Variants in ST6GALNAC3 observed in about 807,000 individuals in gnomAD.
ST6GALNAC3 encodes the protein ST6 N-acetylgalactosaminide alpha-2,6-sialyltransferase 3.
Under a neutral mutation model 32.7 loss-of-function variants are expected in ST6GALNAC3, and 25 were observed. That is an observed-to-expected ratio of 0.76 (90% confidence interval 0.56 to 1.07). The LOEUF is 1.07. ST6GALNAC3 is among the 50% of genes least tolerant of loss of function. The probability of loss-of-function intolerance (pLI) is 0.00; values close to 1 mark genes in which losing one functional copy is unlikely to be tolerated. For missense variants in ST6GALNAC3, 355 were observed against 382.4 expected, an observed-to-expected ratio of 0.93 and a Z score of 0.60; for synonymous variants, 129 against 133.1, an observed-to-expected ratio of 0.97 and a Z score of 0.21.
rs1445753638 is a variant in ST6GALNAC3, at chr1:76,631,557, G to A, written c.*2751G>A. The A allele has an allele frequency of 2.6e-5, 4 of 152,042 alleles. No individual in the cohort carries two copies. The highest frequency in any genetic ancestry group is 5.9e-5 in the Non-Finnish European group (4 of 67,982). 9.4% of individuals were successfully genotyped at this position (152,042 alleles called of 1,614,324 possible). ...CAATTCAAGGAAACTATTTTGCCATGCACATTTCTGATCAATTCCCACAGA... is the reference window on the plus strand; with the variant it reads ...CAATTCAAGGAAACTATTTTGCCATACACATTTCTGATCAATTCCCACAGA... On this transcript the variant is annotated 3_prime_UTR_variant, in exon 5 of 5. Transcript: ENST00000328299.
chr1:76,405,944 A>T (rs970364825), intron 2 of ST6GALNAC3, among the ~76,000 whole-genome samples: 4 of 152,020 alleles, frequency 2.6e-5, no homozygotes, highest in African/African-American at 9.7e-5. Context: ...GAATATCTAC[A>T]CTTTCCCCCC....
chr1:76,597,726 G>A (rs531642276), intron 3 of ST6GALNAC3, among the ~76,000 whole-genome samples: 8 of 152,270 alleles, frequency 5.3e-5, no homozygotes, highest in African/African-American at 1.9e-4. Flanking sequence ...CACCTAAGTA[G>A]AGAGCTTCTG....
chr1:76,135,816 C>T (rs780125383), intron 1 of ST6GALNAC3, among the ~76,000 whole-genome samples: 24 of 152,190 alleles, frequency 1.6e-4, no homozygotes, highest in Admixed American at 2.6e-4. Context: ...TCCACCCATG[C>T]GGCTCTCCTA....
intron 2 of ST6GALNAC3, among the ~76,000 whole-genome samples, chr1:76,352,224 C>T (rs1649037905): frequency 1.3e-5 from 2 of 152,154 alleles, no homozygotes; most frequent in Admixed American, 1.3e-4. Context: ...AATATAGTTT[C>T]TGTTTAAACA....
chr1:76,560,609 AG>A (rs1665192224), intron 3 of ST6GALNAC3, among the ~76,000 whole-genome samples: 1 of 152,244 alleles, frequency 6.6e-6, no homozygotes, highest in Non-Finnish European at 1.5e-5. Flanking sequence ...TCATCAGAAA[AG>A]TGAAAATCAA....
chr1:76,343,873 A>G (rs1648272744), intron 2 of ST6GALNAC3, among the ~76,000 whole-genome samples: 1 of 152,210 alleles, frequency 6.6e-6, no homozygotes, highest in African/African-American at 2.4e-5. Flanking sequence ...AAAAGTTTTA[A>G]CAGAGGAATT....
At chr1:76,378,383 T>G (rs1271148327) in intron 2 of ST6GALNAC3, among the ~76,000 whole-genome samples, 1 of 152,178 alleles carries the variant, frequency 6.6e-6, no homozygotes, top group Non-Finnish European at 1.5e-5. Context: ...TTTTTAAGGC[T>G]GAGCACGGTA....
chr1:76,125,925 A>G (rs1388739266), intron 1 of ST6GALNAC3, among the ~76,000 whole-genome samples: 3 of 152,174 alleles, frequency 2.0e-5, no homozygotes, highest in Non-Finnish European at 4.4e-5. Context: ...TCCTATTTAG[A>G]TAGATGGAGC....
chr1:76,522,571 T>A (rs909340813), intron 3 of ST6GALNAC3, among the ~76,000 whole-genome samples: 1 of 152,214 alleles, frequency 6.6e-6, no homozygotes, highest in African/African-American at 2.4e-5. Context: ...TATGTATCCA[T>A]TTAGTTCTTA....
chr1:76,437,734 C>T (rs1217469980), intron 3 of ST6GALNAC3, among the ~76,000 whole-genome samples: 3 of 151,438 alleles, frequency 2.0e-5, no homozygotes, highest in Non-Finnish European at 4.4e-5. Context: ...CGCACCACTA[C>T]GCCCAGCTAA....
chr1:76,263,844 C>G (rs1017688284), intron 1 of ST6GALNAC3, among the ~76,000 whole-genome samples: 1 of 151,986 alleles, frequency 6.6e-6, no homozygotes, highest in Non-Finnish European at 1.5e-5. Flanking sequence ...TTTTTTTAAG[C>G]CTTTTATCTG....
intron 1 of ST6GALNAC3, among the ~76,000 whole-genome samples, chr1:76,137,447 G>A (rs1230524619): frequency 6.6e-6 from 1 of 152,194 alleles, no homozygotes; most frequent in Non-Finnish European, 1.5e-5. Flanking sequence ...GGAGGCAGGT[G>A]ATCCAAGGGA....
intron 3 of ST6GALNAC3, among the ~76,000 whole-genome samples, chr1:76,567,981 T>A (rs1665647759): frequency 6.6e-6 from 1 of 152,186 alleles, no homozygotes; most frequent in Non-Finnish European, 1.5e-5. Flanking sequence ...ATTATTGCTA[T>A]GTTGATTTCT....
chr1:76,282,563 C>A (rs1328955921), intron 1 of ST6GALNAC3, among the ~76,000 whole-genome samples: 1 of 152,114 alleles, frequency 6.6e-6, no homozygotes, highest in Non-Finnish European at 1.5e-5. Context: ...GCAGTGACAT[C>A]TGAACAAAGT....
At chr1:76,092,058 C>T (rs1647054173) in intron 1 of ST6GALNAC3, among the ~76,000 whole-genome samples, 1 of 152,194 alleles carries the variant, frequency 6.6e-6, no homozygotes, top group South Asian at 2.1e-4. Flanking sequence ...TGATGTCAAC[C>T]TCCGTGCTCT....
At chr1:76,389,557 ATGAGATGTGGAT>A (rs1652376676) in intron 2 of ST6GALNAC3, among the ~76,000 whole-genome samples, 2 of 152,238 alleles carry the variant, frequency 1.3e-5, no homozygotes, top group African/African-American at 4.8e-5. Flanking sequence ...TTGTGAGAAT[ATGAGATGTGGAT>A]TCCAGAGCTT....
chr1:76,319,084 T>C (rs2100914968), intron 2 of ST6GALNAC3, among the ~76,000 whole-genome samples: 1 of 152,290 alleles, frequency 6.6e-6, no homozygotes, highest in African/African-American at 2.4e-5. Flanking sequence ...GCTTGGGTGA[T>C]CAATAGGATG....
At chr1:76,459,536 C>T (rs940918458) in intron 3 of ST6GALNAC3, among the ~76,000 whole-genome samples, 2 of 151,034 alleles carry the variant, frequency 1.3e-5, no homozygotes, top group Admixed American at 6.6e-5. Flanking sequence ...TGCACTCCAG[C>T]CTGGGCGACA....
At position 76,416,622 on chromosome 1, in the gene ST6GALNAC3, G is replaced by GTTTT. The variant is rs1431727778; in HGVS notation, c.623+4206_623+4209dup. ...CTTTTCACTTTTCCAAGTATTGTGG[G>GTTTT]TTTTGTTTTTTTTTTTTTTTTTTGA... On this transcript the variant is annotated intron_variant, in intron 3 of 4. Coordinates refer to ENST00000328299, the MANE Select transcript of ST6GALNAC3 (RefSeq NM_152996.4). Among the ~76,000 whole-genome samples, 67 of 99,826 alleles carry GTTTT rather than the reference G, an allele frequency of 6.7e-4. 3 individuals carry two copies. Among genetic ancestry groups the GTTTT allele is most frequent in the African/African-American group, 2.3e-3 (65 of 27,696 alleles). 65.5% of individuals were successfully genotyped at this position (99,826 alleles called of 152,430 possible).
Sources: gnomAD v4.1 joint callset for allele counts (sites outside exome capture counted in the v4.1 genomes callset) on GRCh38, gnomAD v4.1.1 for gene constraint, MANE v1.5 for transcripts, NCBI Gene and HGNC (gene_info 2026-07-23, HGNC 2026-07-21) for gene names.